Variants in CNBD1 observed in about 807,000 individuals in gnomAD.
The protein encoded by CNBD1 is cyclic nucleotide-binding domain-containing protein 1.
In CNBD1, 71 loss-of-function variants were observed where a neutral mutation model predicts 54.4. That is an observed-to-expected ratio of 1.30 (90% CI 1.08 to 1.59). The LOEUF (loss-of-function observed/expected upper bound fraction) is 1.59. Ranked by LOEUF, CNBD1 falls within the 40% of genes most tolerant of loss-of-function variation. The pLI is 0.00. For synonymous variants in CNBD1, 182 were observed against 170.7 expected (o/e 1.07, Z -0.51); for missense variants, 659 against 518.0 (o/e 1.27, Z -2.64).
intron 4 of CNBD1, among the ~76,000 whole-genome samples, chr8:87,094,380 ATTTTT>A (rs1382038613): frequency 6.7e-6 from 1 of 148,858 alleles, no homozygotes; most frequent in Admixed American, 6.7e-5. Flanking sequence ...GGTTTTTAAA[ATTTTT>A]TTATTTTTGT....
intron 2 of CNBD1, among the ~76,000 whole-genome samples, chr8:87,394,806 T>G (rs1301781827): frequency 1.3e-5 from 2 of 151,898 alleles, no homozygotes; most frequent in South Asian, 2.1e-4. Context: ...TGTTTAAATT[T>G]TATGGCTCTT....
At chr8:87,364,228 T>C (rs1246504838) in intron 10 of CNBD1, among the ~76,000 whole-genome samples, 1 of 150,768 alleles carries the variant, frequency 6.6e-6, no homozygotes, top group African/African-American at 2.5e-5. Context: ...TAAGTATCTA[T>C]ATATATGTAT....
In CNBD1 at chr8:87,357,522, TG is replaced by T. The variant is rs535965318; in HGVS notation, c.1303+3740del. On this transcript the variant is annotated intron_variant, in intron 10 of 10. Transcript: ENST00000518476. The stretch of plus-strand genomic sequence containing the variant: ...TGCTCTTCTGGGTTTCAGACATGCA[TG>T]GGGAATGTTTCCCCTATCTTTTGTC... Among the ~76,000 whole-genome samples the T allele has an allele frequency of 1.9e-4, 29 of 152,302 alleles. No homozygotes were observed. The South Asian group carries it at 6.0e-3, about 32-fold the overall frequency.
intron 4 of CNBD1, among the ~76,000 whole-genome samples, chr8:87,174,084 G>A (rs1303691101): frequency 2.6e-5 from 4 of 151,912 alleles, no homozygotes; most frequent in South Asian, 2.1e-4. Context: ...TCAGCCTCCC[G>A]AGTGGCTGGG....
intron 4 of CNBD1, among the ~76,000 whole-genome samples, chr8:86,956,070 C>A (rs1411998170): frequency 6.6e-6 from 1 of 152,060 alleles, no homozygotes. Flanking sequence ...TTTCCCAGCA[C>A]CATTTATTAA....
At chr8:86,925,697 A>G (rs952232590) in intron 3 of CNBD1, among the ~76,000 whole-genome samples, 1 of 150,032 alleles carries the variant, frequency 6.7e-6, no homozygotes. Flanking sequence ...CCTTGCTAAC[A>G]TGGTGAAACA....
intron 4 of CNBD1, among the ~76,000 whole-genome samples, chr8:87,175,495 G>A (rs1451768539): frequency 6.6e-6 from 1 of 152,124 alleles, no homozygotes; most frequent in East Asian, 1.9e-4. Flanking sequence ...TCCCTTCGAG[G>A]CAAGAAGTTC....
chr8:87,309,257 T>C (rs1809216916), intron 8 of CNBD1, among the ~76,000 whole-genome samples: 2 of 152,202 alleles, frequency 1.3e-5, no homozygotes, highest in Admixed American at 1.3e-4. Context: ...GTTAATTGTC[T>C]TTTTGTAATA....
chr8:87,355,403 A>G (rs1016073980), intron 10 of CNBD1, among the ~76,000 whole-genome samples: 13 of 152,152 alleles, frequency 8.5e-5, no homozygotes, highest in Non-Finnish European at 4.4e-5. Flanking sequence ...ATATTTAATT[A>G]AGATCAAGCA....
At position 87,077,578 on chromosome 8, in the gene CNBD1, G is replaced by A. The variant is rs73281261; in HGVS notation, c.432-128415G>A. Among the ~76,000 whole-genome samples the A allele has an allele frequency of 1.4e-4, 14 of 96,904 alleles. No individual in the cohort carries two copies. The East Asian group carries it at 2.0e-3, about 14-fold the overall frequency. 63.6% of individuals were successfully genotyped at this position (96,904 alleles called of 152,430 possible). On this transcript the variant is annotated intron_variant, in intron 4 of 10. Transcript: ENST00000518476. ...CTCCCCCCTCCCCCATCCCTCTACC[G>A]CATGACAGGCCCTGGTTTATGATGT...
intron 8 of CNBD1, among the ~76,000 whole-genome samples, chr8:87,315,066 A>C (rs1173807938): frequency 6.6e-6 from 1 of 152,140 alleles, no homozygotes; most frequent in Non-Finnish European, 1.5e-5. Context: ...TACTTTCAAA[A>C]TACTGAGAGA....
intron 2 of CNBD1, among the ~76,000 whole-genome samples, chr8:87,424,265 CT>C (rs1234753673): frequency 6.6e-6 from 1 of 151,768 alleles, no homozygotes; most frequent in Non-Finnish European, 1.5e-5. Flanking sequence ...TTTTTTGTGT[CT>C]CTATTTCCTT....
At chr8:86,866,678 T>C in intron 1 of CNBD1, 95 bp downstream of exon 1, 1 of 861,708 alleles carries the variant, frequency 1.2e-6, no homozygotes, top group Non-Finnish European at 1.9e-6. Flanking sequence ...TCAGGGTTGA[T>C]AGGGACATTG....
intron 10 of CNBD1, among the ~76,000 whole-genome samples, chr8:87,373,365 T>C (rs1169583138): frequency 6.6e-6 from 1 of 151,746 alleles, no homozygotes; most frequent in Non-Finnish European, 1.5e-5. Flanking sequence ...AGTAACATAA[T>C]TTGGAGTGCT....
At chr8:87,351,834 A>C in intron 9 of CNBD1, 40 bp downstream of exon 9, 1 of 1,397,482 alleles carries the variant, frequency 7.2e-7, no homozygotes, top group Non-Finnish European at 9.4e-7. Context: ...CAATTAATCT[A>C]CTCTAAAGAA....
At chr8:86,909,564 A>G (rs1245306241) in intron 3 of CNBD1, among the ~76,000 whole-genome samples, 3 of 152,132 alleles carry the variant, frequency 2.0e-5, no homozygotes, top group Non-Finnish European at 4.4e-5. Flanking sequence ...TCTAGGGTAC[A>G]TGTGCACAAC....
At chr8:87,407,086 A>G (rs1807664804) in intron 2 of CNBD1, among the ~76,000 whole-genome samples, 1 of 152,078 alleles carries the variant, frequency 6.6e-6, no homozygotes, top group Non-Finnish European at 1.5e-5. Flanking sequence ...TATAAAATGA[A>G]CCCATCTGTT....
At chr8:87,379,089 G>A (rs1811017348) in intron 10 of CNBD1, among the ~76,000 whole-genome samples, 1 of 151,316 alleles carries the variant, frequency 6.6e-6, no homozygotes, top group Non-Finnish European at 1.5e-5. Flanking sequence ...ATACAATCAT[G>A]TCATCTGCAA....
In CNBD1 at chr8:87,275,254, C is replaced by T. The variant is rs574849339; in HGVS notation, c.772-9424C>T. On this transcript the variant is annotated intron_variant, in intron 6 of 10. Coordinates refer to ENST00000518476, the MANE Select transcript of CNBD1 (RefSeq NM_173538.3). ...TTGGCTTAGGATTCACTTGGTGATG[C>T]GGGCTCTTTTTTGGTTCCATATGAA... Among the ~76,000 whole-genome samples the T allele has an allele frequency of 1.9e-4, 26 of 137,984 alleles. 2 individuals carry two copies. Among genetic ancestry groups the T allele is most frequent in the African/African-American group, 3.7e-4 (13 of 34,700 alleles). The allele number at this position is 137,984 out of a possible 152,430, so 90.5% of individuals were successfully genotyped here.
Sources: gnomAD v4.1 joint callset for allele counts (sites outside exome capture counted in the v4.1 genomes callset) on GRCh38, gnomAD v4.1.1 for gene constraint, MANE v1.5 for transcripts, NCBI Gene and HGNC (gene_info 2026-07-23, HGNC 2026-07-21) for gene names.